GLI4: variants seen among roughly 807,000 people sequenced by gnomAD.
The protein encoded by GLI4 is zinc finger protein GLI4.
A neutral mutation model predicts 30.9 loss-of-function variants in GLI4; 34 were observed. That is an observed-to-expected ratio of 1.10 (90% confidence interval 0.84 to 1.47). The LOEUF (loss-of-function observed/expected upper bound fraction) is 1.47, where lower values mean the gene tolerates loss of function less well. Among genes scored for constraint, GLI4 ranks in the 40% most tolerant of loss-of-function variants. GLI4 has a pLI of 0.00. For synonymous variants in GLI4, 277 were observed against 236.7 expected (o/e 1.17, Z -1.56); for missense variants, 696 against 538.9 (o/e 1.29, Z -2.89).
intron 2 of GLI4, among the ~76,000 whole-genome samples, chr8:143,273,674 C>T (rs977641018): frequency 5.3e-5 from 8 of 152,092 alleles, no homozygotes; most frequent in African/African-American, 1.9e-4. Flanking sequence ...GTGTTATGAA[C>T]AGGGTGTGGA....
At chr8:143,275,749 C>T (rs1815369586) in intron 3 of GLI4, 148 bp from the exon 4 acceptor site, 6 of 1,239,408 alleles carry the variant, frequency 4.8e-6, no homozygotes, top group Non-Finnish European at 4.0e-6. Context: ...AGCCCCTGTC[C>T]GCTTGTCTCC....
intron 1 of GLI4, chr8:143,268,034 G>C (rs1311463749): frequency 1.0e-6 from 1 of 985,332 alleles, no homozygotes; most frequent in Admixed American, 6.1e-5. Flanking sequence ...GGTCGCCTCT[G>C]CTCAGTCCTG....
At chr8:143,275,371 C>T in intron 3 of GLI4, 4 of 1,403,558 alleles carry the variant, frequency 2.8e-6, no homozygotes, top group Non-Finnish European at 3.7e-6. Flanking sequence ...GGTCAGGTCC[C>T]TGGAAAGAGA....
In GLI4 at chr8:143,269,436, C is replaced by A; in HGVS notation, c.40C>A (p.Pro14Thr). The A allele has an allele frequency of 6.2e-7, 1 of 1,609,108 alleles. No individual in the cohort carries two copies. Among genetic ancestry groups the A allele is most frequent in the South Asian group, 1.1e-5 (1 of 91,008 alleles). ...GGACATTCAGGAGTCCCCTTCTGTC[C>A]CGTCCCCTGTCAGTCTCTCATCACC... Reference protein sequence around the residue: ...LGDIQESPSVPSPVSLSSPGT... With the variant: ...LGDIQESPSVTSPVSLSSPGT... Residue 14 changes from proline (P) to threonine (T), a missense_variant, in exon 2 of 4, where the codon CCG (proline) becomes ACG (threonine). Physicochemically the swap from Pro to Thr is conservative, Grantham distance 38. Transcript: ENST00000340042.
At chr8:143,272,000 T>G (rs182573325) in intron 2 of GLI4, among the ~76,000 whole-genome samples, 2 of 152,250 alleles carry the variant, frequency 1.3e-5, no homozygotes, top group East Asian at 1.9e-4. Flanking sequence ...CCACACAGCT[T>G]CTCAGGGATT....
chr8:143,275,960 C>T lies in GLI4; in HGVS notation c.287C>T (p.Ala96Val), dbSNP rs990125208. Reference protein sequence around the residue: ...SPGSQAPDEGAGGALRSLLRS... With the variant: ...SPGSQAPDEGVGGALRSLLRS... ...GGCTCTCAGGCCCCTGACGAGGGGG[C>T]GGGCGGGGCGCTGCGCAGCCTCCTG... The change falls in exon 4 of 4, where the codon GCG (alanine) becomes GTG (valine). Residue 96 changes from alanine (A) to valine (V), a missense_variant. Coordinates refer to ENST00000340042, the MANE Select transcript of GLI4 (RefSeq NM_138465.4). 4 of 1,329,448 alleles carry T rather than the reference C, an allele frequency of 3.0e-6. No homozygotes were observed. Among genetic ancestry groups the T allele is most frequent in the South Asian group, 4.0e-5 (2 of 49,762 alleles). 82.4% of individuals were successfully genotyped at this position (1,329,448 alleles called of 1,614,324 possible).
Position 143,275,979 on chromosome 8 carries a change from C to A in GLI4, c.306C>A (p.Ser102Arg). 1 of 1,364,672 alleles carries A rather than the reference C, an allele frequency of 7.3e-7. No individual in the cohort carries two copies. The allele number at this position is 1,364,672 out of a possible 1,614,324, so 84.5% of individuals were successfully genotyped here. A position where few individuals can be genotyped will look rare whatever the true frequency, so the allele number is the denominator to read the frequency against. ...AGGGGGCGGGCGGGGCGCTGCGCAG[C>A]CTCCTGAGGAGCCTTCCCCGCAGGG... ...PDEGAGGALR[S>R]LLRSLPRRAR... The change falls in exon 4 of 4, where the codon AGC (serine) becomes AGA (arginine). Residue 102 changes from serine to arginine, a missense_variant. Physicochemically the swap from Ser to Arg is moderately radical, Grantham distance 110. Transcript: ENST00000340042.
chr8:143,271,388 G>A (rs113906478), intron 2 of GLI4, among the ~76,000 whole-genome samples: 12 of 152,222 alleles, frequency 7.9e-5, no homozygotes, highest in African/African-American at 2.6e-4. Flanking sequence ...GGGCCAGGCC[G>A]CAGCAATGGG....
At chr8:143,269,567 C>G in intron 2 of GLI4, 47 bp downstream of exon 2, 4 of 1,506,558 alleles carry the variant, frequency 2.7e-6, no homozygotes, top group Non-Finnish European at 3.7e-6. Context: ...ATCCCCTGCC[C>G]TCACGTCCCC....
At chr8:143,269,131 C>T (rs1399536224) in intron 1 of GLI4, among the ~76,000 whole-genome samples, 2 of 152,148 alleles carry the variant, frequency 1.3e-5, no homozygotes, top group African/African-American at 2.4e-5. Flanking sequence ...CATGAGCCAC[C>T]GTCCCCAGCC....
At chr8:143,267,635 C>T in intron 1 of GLI4, 151 bp downstream of exon 1, 1 of 985,340 alleles carries the variant, frequency 1.0e-6, no homozygotes, top group Non-Finnish European at 1.2e-6. Flanking sequence ...TTGGGCCAAG[C>T]CCGGGGAGCG....
rs888029768 is a variant in GLI4 at position 143,275,839 on chromosome 8, C to T, written c.224-58C>T. 8.8e-6 allele frequency: 11 copies of T among 1,255,282 alleles called. No individual in the cohort carries two copies. The Admixed American group carries it at 2.9e-4, about 34-fold the overall frequency. The allele number at this position is 1,255,282 out of a possible 1,614,324, so 77.8% of individuals were successfully genotyped here. A position where few individuals can be genotyped will look rare whatever the true frequency, so the allele number is the denominator to read the frequency against. On this transcript the variant is annotated intron_variant, in intron 3 of 3. Coordinates refer to ENST00000340042, the MANE Select transcript of GLI4 (RefSeq NM_138465.4). Reference sequence around the variant, plus strand: ...CTGCTCTCACTCCCCGTCCCCGTCCCTCCGTGCCACGGTGGGGGCATGCGG... The same window carrying T: ...CTGCTCTCACTCCCCGTCCCCGTCCTTCCGTGCCACGGTGGGGGCATGCGG...
intron 1 of GLI4, among the ~76,000 whole-genome samples, chr8:143,268,654 A>G (rs1305677980): frequency 6.6e-6 from 1 of 152,258 alleles, no homozygotes; most frequent in Non-Finnish European, 1.5e-5. Flanking sequence ...CCACAGGGCC[A>G]GCAGCTGAGG....
chr8:143,268,838 T>TTGCTGCTGCTGC (rs201537418), intron 1 of GLI4, among the ~76,000 whole-genome samples: 1 of 148,022 alleles, frequency 6.8e-6, no homozygotes, highest in South Asian at 2.2e-4. Flanking sequence ...CGTTACTCCT[T>TTGCTGCTGCTGC]TGCTGCTGCT....
chr8:143,269,001 G>A (rs1339325097), intron 1 of GLI4, among the ~76,000 whole-genome samples: 1 of 152,130 alleles, frequency 6.6e-6, no homozygotes, highest in African/African-American at 2.4e-5. Context: ...CCGCCACTGC[G>A]CCCAGCTAAT....
intron 2 of GLI4, among the ~76,000 whole-genome samples, chr8:143,270,354 T>C (rs1221893704): frequency 6.6e-6 from 1 of 151,970 alleles, no homozygotes; most frequent in Non-Finnish European, 1.5e-5. Context: ...TCCGGGGGGC[T>C]CCCCCAAGGA....
chr8:143,269,504 CCATGGG>C lies in GLI4; in HGVS notation c.112_117del (p.Gly38_His39del). On this transcript the variant is annotated inframe_deletion, in exon 2 of 4. Coordinates refer to ENST00000340042, the MANE Select transcript of GLI4 (RefSeq NM_138465.4). The stretch of plus-strand genomic sequence containing the variant: ...AGCACCACGAGCCTCAGCTTCACCT[CCATGGG>C]CATCAACATGGTACTCACCCAGCCC... 1.2e-6 allele frequency: 2 copies of C among 1,613,104 alleles called. No individual in the cohort carries two copies. The highest frequency in any genetic ancestry group is 1.7e-6 in the Non-Finnish European group (2 of 1,179,538).
chr8:143,268,963 C>T (rs543833403), intron 1 of GLI4, among the ~76,000 whole-genome samples: 1 of 151,988 alleles, frequency 6.6e-6, no homozygotes, highest in East Asian at 1.9e-4. Context: ...CCTGCCTCAG[C>T]TTCCCAAGTA....
chr8:143,275,822 A>G (rs2293923), intron 3 of GLI4, 75 bp from the exon 4 acceptor site: 591,939 of 1,247,336 alleles, frequency 0.47, 144,146 homozygotes, highest in East Asian at 0.69. Flanking sequence ...CTCTGCTCTC[A>G]CTCCCCGTCC....
Sources: allele counts gnomAD v4.1 joint callset (sites outside exome capture counted in the v4.1 genomes callset), GRCh38; gene constraint gnomAD v4.1.1; transcripts MANE v1.5; gene names NCBI Gene and HGNC (gene_info 2026-07-23, HGNC 2026-07-21).